The following ELK4 variants were observed in gnomAD, a reference collection of about 807,000 sequenced individuals.
ELK4 encodes ETS domain-containing protein Elk-4.
A neutral mutation model predicts 29.6 loss-of-function variants in ELK4; 16 were observed. The observed-to-expected ratio is 0.54, with a 90% confidence interval of 0.37 to 0.82. The LOEUF is 0.82. Among genes scored for constraint, ELK4 ranks in the 40% least tolerant of loss-of-function variants. The pLI, the probability that ELK4 is intolerant of heterozygous loss-of-function variation, is 0.00. For missense variants in ELK4, 465 were observed against 507.1 expected, an observed-to-expected ratio of 0.92 and a Z score of 0.80; for synonymous variants, 213 against 191.1, an observed-to-expected ratio of 1.11 and a Z score of -0.95.
In ELK4 at chr1:205,611,693, TGAG is replaced by T. The variant is rs1313298946; in HGVS notation, c.*4850_*4852del. ...TAGCTTCAGATGACACACTACATCA[TGAG>T]TAGTATTTTAACTTTCCTATTGGTT... On this transcript the variant is annotated 3_prime_UTR_variant, in exon 5 of 5. Transcript: ENST00000357992. 5 of 192,042 alleles carry T rather than the reference TGAG, an allele frequency of 2.6e-5. No homozygotes were observed. In the South Asian group the frequency reaches 5.8e-4, roughly 22 times the overall value. 11.9% of individuals were successfully genotyped at this position (192,042 alleles called of 1,614,324 possible).
chr1:205,610,154 A>AG lies in ELK4; in HGVS notation c.*6391dup, dbSNP rs542657258. ...TTGGCTAGAACTCTGGGCCAGCCACAGGAAACCCCCACCTCCTCCCCGACC... is the reference window on the plus strand; with the variant it reads ...TTGGCTAGAACTCTGGGCCAGCCACAGGGAAACCCCCACCTCCTCCCCGACC... On this transcript the variant is annotated 3_prime_UTR_variant, in exon 5 of 5. Coordinates refer to ENST00000357992, the MANE Select transcript of ELK4 (RefSeq NM_001973.4). 60 of 231,928 alleles carry AG rather than the reference A, an allele frequency of 2.6e-4. 1 individual carries two copies. Among genetic ancestry groups the AG allele is most frequent in the Non-Finnish European group, 4.3e-4 (50 of 117,306 alleles). 14.4% of individuals were successfully genotyped at this position (231,928 alleles called of 1,614,324 possible).
intron 3 of ELK4, 65 bp from the exon 4 acceptor site, chr1:205,619,138 C>A: frequency 1.5e-6 from 2 of 1,355,432 alleles, no homozygotes; most frequent in Non-Finnish European, 2.0e-6. Flanking sequence ...CTTGAAACAG[C>A]ACACAAATAA....
chr1:205,618,948 TAA>T lies in ELK4; in HGVS notation c.1197+7_1197+8del. ...TCCAACTACAGAAGACAGATATTTA[TAA>T]AATTACCTGGAAAAGTGTGTTAGCA... On this transcript the variant is annotated splice_region_variant and intron_variant, in intron 4 of 4. Coordinates refer to ENST00000357992, the MANE Select transcript of ELK4 (RefSeq NM_001973.4). 1.9e-6 allele frequency: 3 copies of T among 1,593,840 alleles called. No individual in the cohort carries two copies. The highest frequency in any genetic ancestry group is 2.6e-6 in the Non-Finnish European group (3 of 1,166,766).
rs553562742 is a variant in ELK4 at position 205,609,474 on chromosome 1, G to A, written c.*7072C>T. ...GCCAAAACAAATAAATAGGCCTCAA[G>A]GAATAAAAAATTAATTGTATTCGTT... On this transcript the variant is annotated 3_prime_UTR_variant, in exon 5 of 5. Coordinates refer to ENST00000357992, the MANE Select transcript of ELK4 (RefSeq NM_001973.4). 7 of 192,350 alleles carry A rather than the reference G, an allele frequency of 3.6e-5. No homozygotes were observed. The highest frequency in any genetic ancestry group is 1.2e-4 in the Admixed American group (2 of 16,342). 11.9% of individuals were successfully genotyped at this position (192,350 alleles called of 1,614,324 possible).
At position 205,620,523 on chromosome 1, in the gene ELK4, G is replaced by T. The variant is rs201659900; in HGVS notation, c.523C>A (p.Leu175Met). 2.0e-5 allele frequency: 33 copies of T among 1,614,098 alleles called. No individual in the cohort carries two copies. The highest frequency in any genetic ancestry group is 2.7e-5 in the Non-Finnish European group (32 of 1,180,054). The change falls in exon 3 of 5, where the codon CTG becomes ATG. Residue 175 changes from leucine to methionine, a missense_variant. This residue lies in a region of ELK4 where 385 missense variants were observed against 387.5 expected (regional missense o/e 0.99). Transcript: ENST00000357992. Reference protein sequence around the residue: ...LIKTENPAEKLAEKKSPQEPT... With the variant: ...LIKTENPAEKMAEKKSPQEPT... ...TCCTGAGGAGATTTTTTCTCTGCCA[G>T]TTTCTCGGCTGGATTCTCAGTCTTT...
intron 2 of ELK4, 43 bp from the exon 3 acceptor site, chr1:205,620,881 C>T (rs1161507845): frequency 6.5e-7 from 1 of 1,540,996 alleles, no homozygotes; most frequent in Admixed American, 2.0e-5. Context: ...TTCTTATAAA[C>T]TTATATCCCA....
intron 1 of ELK4, among the ~76,000 whole-genome samples, chr1:205,627,090 G>A (rs1486978361): frequency 6.6e-6 from 1 of 152,134 alleles, no homozygotes. Context: ...GAAATGTCCA[G>A]AATAGGAAAA....
chr1:205,619,101 C>T, intron 3 of ELK4, 28 bp from the exon 4 acceptor site: 1 of 1,481,816 alleles, frequency 6.7e-7, no homozygotes, highest in South Asian at 1.3e-5. Flanking sequence ...AAAATATTCA[C>T]TGACTGACTT....
At chr1:205,619,688 G>T (rs111601250) in intron 3 of ELK4, 32 of 1,417,620 alleles carry the variant, frequency 2.3e-5, no homozygotes, top group Non-Finnish European at 4.6e-6. Flanking sequence ...GAGAGAGAGC[G>T]AGAGAGTGTG....
At position 205,609,370 on chromosome 1, in the gene ELK4, C is replaced by G. The variant is rs759211751; in HGVS notation, c.*7176G>C. The G allele has an allele frequency of 5.2e-6, 1 of 192,386 alleles. No individual in the cohort carries two copies. The highest frequency in any genetic ancestry group is 1.1e-5 in the Non-Finnish European group (1 of 92,080). 11.9% of individuals were successfully genotyped at this position (192,386 alleles called of 1,614,324 possible). On this transcript the variant is annotated 3_prime_UTR_variant, in exon 5 of 5. Coordinates refer to ENST00000357992, the MANE Select transcript of ELK4 (RefSeq NM_001973.4). ...GACTGGACTGAATTTCATATTTAAT[C>G]TTCCCTGCCCACAAAGATAAATGAA... is the stretch of plus-strand genomic sequence containing the variant.
intron 1 of ELK4, among the ~76,000 whole-genome samples, chr1:205,628,978 C>T (rs1670519169): frequency 1.3e-5 from 2 of 151,808 alleles, no homozygotes; most frequent in South Asian, 2.1e-4. Flanking sequence ...TGGAGACCAT[C>T]CTGGCTAACA....
chr1:205,613,886 C>T lies in ELK4; in HGVS notation c.*2660G>A, dbSNP rs1386982565. The T allele has an allele frequency of 4.6e-6, 1 of 217,450 alleles. No individual in the cohort carries two copies. Among genetic ancestry groups the T allele is most frequent in the Non-Finnish European group, 9.3e-6 (1 of 107,992 alleles). The allele number at this position is 217,450 out of a possible 1,614,324, so 13.5% of individuals were successfully genotyped here. On this transcript the variant is annotated 3_prime_UTR_variant, in exon 5 of 5. Transcript: ENST00000357992. Reference sequence around the variant, plus strand: ...CGAGCTACAGCTACCAATTACAAGTCTCTCCAGTGAAAACTGATCTGAAGT... The same window carrying T: ...CGAGCTACAGCTACCAATTACAAGTTTCTCCAGTGAAAACTGATCTGAAGT...
chr1:205,614,275 A>T lies in ELK4; in HGVS notation c.*2271T>A. ...AATTATTAAAAATACTGTCTGTGAA[A>T]ACAAATCAATGGCTTTTCTCCTTTA... On this transcript the variant is annotated 3_prime_UTR_variant, in exon 5 of 5. Transcript: ENST00000357992. 1 of 222,842 alleles carries T rather than the reference A, an allele frequency of 4.5e-6. No individual in the cohort carries two copies. The highest frequency in any genetic ancestry group is 6.5e-5 in the East Asian group (1 of 15,282). 13.8% of individuals were successfully genotyped at this position (222,842 alleles called of 1,614,324 possible).
In ELK4 at chr1:205,617,845, G is replaced by A. The variant is rs536429226; in HGVS notation, c.1197+1112C>T. Reference sequence around the variant, plus strand: ...GAACCCAGGAGGCAGAGGTTGCAGTGAGCTGAGATCGTGCCATTGCATTCT... The same window carrying A: ...GAACCCAGGAGGCAGAGGTTGCAGTAAGCTGAGATCGTGCCATTGCATTCT... On this transcript the variant is annotated intron_variant, in intron 4 of 4. Transcript: ENST00000357992. Among the ~76,000 whole-genome samples the A allele has an allele frequency of 9.3e-4, 142 of 152,260 alleles. 1 individual carries two copies. Among genetic ancestry groups the A allele is most frequent in the Non-Finnish European group, 1.9e-4 (13 of 68,026 alleles).
intron 1 of ELK4, among the ~76,000 whole-genome samples, chr1:205,628,602 T>G (rs1266812845): frequency 6.6e-6 from 1 of 152,150 alleles, no homozygotes; most frequent in African/African-American, 2.4e-5. Context: ...GCCCTACAAG[T>G]TTAAAGCCTC....
rs1670232625 is a variant in ELK4, at chr1:205,616,426, G to T, written c.*120C>A. 2.2e-6 allele frequency: 2 copies of T among 889,564 alleles called. No individual in the cohort carries two copies. The highest frequency in any genetic ancestry group is 3.5e-6 in the Non-Finnish European group (2 of 579,284). 55.1% of individuals were successfully genotyped at this position (889,564 alleles called of 1,614,324 possible). A position where few individuals can be genotyped will look rare whatever the true frequency, so the allele number is the denominator to read the frequency against. On this transcript the variant is annotated 3_prime_UTR_variant, in exon 5 of 5. Coordinates refer to ENST00000357992, the MANE Select transcript of ELK4 (RefSeq NM_001973.4). Reference sequence around the variant, plus strand: ...AAAAAGATGTTTTCAATGGGGAATGGCAAAAATCACAATAGTCTATTATCA... The same window carrying T: ...AAAAAGATGTTTTCAATGGGGAATGTCAAAAATCACAATAGTCTATTATCA...
intron 1 of ELK4, chr1:205,626,251 T>C: frequency 2.1e-6 from 1 of 485,642 alleles, no homozygotes; most frequent in Non-Finnish European, 4.0e-6. Context: ...ACCTCCCTTA[T>C]TCAGGACCGG....
rs1287578743 is a variant in ELK4 at position 205,611,443 on chromosome 1, T to TA, written c.*5102dup. Reference sequence around the variant, plus strand: ...CAGAGTTCTGATGACATAAGAGGAATAACAGGGCACTTTGTTTCAGGCAAT... The same window carrying TA: ...CAGAGTTCTGATGACATAAGAGGAATAAACAGGGCACTTTGTTTCAGGCAAT... On this transcript the variant is annotated 3_prime_UTR_variant, in exon 5 of 5. Transcript: ENST00000357992. 1.9e-5 allele frequency: 4 copies of TA among 209,208 alleles called. No homozygotes were observed. Among genetic ancestry groups the TA allele is most frequent in the African/African-American group, 9.1e-5 (4 of 44,030 alleles). 13.0% of individuals were successfully genotyped at this position (209,208 alleles called of 1,614,324 possible).
In ELK4 at chr1:205,609,926, G is replaced by A; in HGVS notation, c.*6620C>T. 1 of 228,978 alleles carries A rather than the reference G, an allele frequency of 4.4e-6. No individual in the cohort carries two copies. The allele number at this position is 228,978 out of a possible 1,614,324, so 14.2% of individuals were successfully genotyped here. Reference sequence around the variant, plus strand: ...TTCTACAAACACCCTATAAATTCCAGAAAACATAAACAAGAAATAAACCTT... The same window carrying A: ...TTCTACAAACACCCTATAAATTCCAAAAAACATAAACAAGAAATAAACCTT... On this transcript the variant is annotated 3_prime_UTR_variant, in exon 5 of 5. Transcript: ENST00000357992.
Sources: gnomAD v4.1 joint callset for allele counts (sites outside exome capture counted in the v4.1 genomes callset) on GRCh38, gnomAD v4.1.1 for gene constraint, gnomAD v4.1.1 regional missense constraint, MANE v1.5 for transcripts, NCBI Gene and HGNC (gene_info 2026-07-23, HGNC 2026-07-21) for gene names.